The following CACNA1H variants were observed in gnomAD, a reference collection of about 807,000 sequenced individuals.
CACNA1H encodes voltage-dependent T-type calcium channel subunit alpha-1H.
In CACNA1H, 149 loss-of-function variants were observed where a neutral mutation model predicts 192.5. The ratio of observed to expected loss-of-function variants is 0.77; its 90% CI spans 0.68 to 0.89. The LOEUF (loss-of-function observed/expected upper bound fraction) is 0.89, where lower values mean the gene tolerates loss of function less well. Ranked by LOEUF, CACNA1H falls within the 40% of genes least tolerant of loss-of-function variation. The pLI, the probability that CACNA1H is intolerant of heterozygous loss-of-function variation, is 0.00. For missense variants in CACNA1H, 4,257 were observed against 3,423.5 expected, an observed-to-expected ratio of 1.24 and a Z score of -6.08; for synonymous variants, 2,202 against 1,475.2, an observed-to-expected ratio of 1.49 and a Z score of -11.29.
intron 2 of CACNA1H, among the ~76,000 whole-genome samples, chr16:1,178,229 C>T (rs1965107622): frequency 7.0e-6 from 1 of 143,376 alleles, no homozygotes; most frequent in Non-Finnish European, 1.5e-5. Flanking sequence ...CTGGGATCCC[C>T]CAACGGGCTC....
chr16:1,154,301 GCCCC>G (rs1961999659), intron 2 of CACNA1H, among the ~76,000 whole-genome samples: 2 of 152,128 alleles, frequency 1.3e-5, no homozygotes, highest in Non-Finnish European at 1.5e-5. Flanking sequence ...AAGCGGTGAG[GCCCC>G]CGCGGGCTTG....
At chr16:1,210,341 C>CCCCCCCGA in intron 18 of CACNA1H, 29 bp from the exon 19 acceptor site, 1 of 1,000,456 alleles carries the variant, frequency 1.0e-6, no homozygotes, top group Non-Finnish European at 1.5e-6. Flanking sequence ...CCGCCCCGCC[C>CCCCCCCGA]CACCTCTCAC....
chr16:1,216,764 G>T (rs1218286066), intron 30 of CACNA1H, among the ~76,000 whole-genome samples, 168 bp from the exon 31 acceptor site: 1 of 150,910 alleles, frequency 6.6e-6, no homozygotes, highest in African/African-American at 2.4e-5. Context: ...CTGAGGAACA[G>T]GGGTCCCCGC....
rs766263798 is a variant in CACNA1H at position 1,209,058 on chromosome 16, C to A, written c.3390C>A (p.Ala1130=). Residue 1130 remains alanine, a synonymous_variant, in exon 17 of 35, where the codon GCC becomes GCA. Transcript: ENST00000348261. The part of the protein sequence containing the change: ...PPASLRSSPC[A]PWGPSGAWSS... ...CCAGCCTCCGAAGTTCTCCCTGTGC[C>A]CCCTGGGGCCCCAGTGGCGCCTGGA... 9 of 1,533,244 alleles carry A rather than the reference C, an allele frequency of 5.9e-6. 1 individual carries two copies. The South Asian group carries it at 1.1e-4, about 19-fold the overall frequency. The allele number at this position is 1,533,244 out of a possible 1,614,324, so 95.0% of individuals were successfully genotyped here. A position where few individuals can be genotyped will look rare whatever the true frequency, so the allele number is the denominator to read the frequency against.
In CACNA1H at chr16:1,210,403, C is replaced by G. The variant is rs780830999; in HGVS notation, c.3879C>G (p.His1293Gln). The G allele has an allele frequency of 6.5e-7, 1 of 1,547,422 alleles. No homozygotes were observed. Among genetic ancestry groups the G allele is most frequent in the South Asian group, 1.1e-5 (1 of 89,206 alleles). ...TCTCCTGCCAGAAGGTCATCACACA[C>G]AAGATGTTTGATCACGTGGTCCTCG... ...FRVSCQKVIT[H>Q]KMFDHVVLVF... The change falls in exon 19 of 35, where the codon CAC (histidine) becomes CAG (glutamine). Residue 1293 changes from histidine to glutamine, a missense_variant. Transcript: ENST00000348261.
chr16:1,188,635 G>A (rs1472222668), intron 2 of CACNA1H, among the ~76,000 whole-genome samples: 2 of 152,222 alleles, frequency 1.3e-5, no homozygotes, highest in Non-Finnish European at 2.9e-5. Flanking sequence ...CAGGGGCCGG[G>A]AGAAAACGGC....
chr16:1,155,234 G>A (rs988857994), intron 2 of CACNA1H, among the ~76,000 whole-genome samples: 32 of 152,342 alleles, frequency 2.1e-4, no homozygotes, highest in Non-Finnish European at 1.2e-4. Context: ...GTGGTCCCGG[G>A]GGCAGCCGGC....
intron 2 of CACNA1H, among the ~76,000 whole-genome samples, chr16:1,188,142 C>T (rs980772556): frequency 5.9e-5 from 9 of 152,246 alleles, no homozygotes; most frequent in Admixed American, 5.2e-4. Flanking sequence ...TGCCCCATGG[C>T]CCTGGCCTGA....
intron 9 of CACNA1H, among the ~76,000 whole-genome samples, chr16:1,202,761 G>C (rs1027904650): frequency 1.3e-5 from 2 of 152,142 alleles, no homozygotes; most frequent in African/African-American, 4.8e-5. Context: ...CCCCTGCCTG[G>C]CCCCGAGAGG....
At position 1,204,302 on chromosome 16, in the gene CACNA1H, G is replaced by C. The variant is rs926942003; in HGVS notation, c.2295G>C (p.Gln765His). Residue 765 changes from glutamine (Q) to histidine (H), a missense_variant, in exon 10 of 35, where the codon CAG becomes CAC. Transcript: ENST00000348261. ...GCAGCCCCCAGCGGCGGGCACAGCA[G>C]AGGGCAGCCCCGGGCGAGCCAGGCT... ...GPGSPQRRAQ[Q>H]RAAPGEPGWM... 1 of 1,604,102 alleles carries C rather than the reference G, an allele frequency of 6.2e-7. No homozygotes were observed. The highest frequency in any genetic ancestry group is 1.7e-5 in the Admixed American group (1 of 59,262).
intron 2 of CACNA1H, among the ~76,000 whole-genome samples, chr16:1,173,412 C>T (rs1460943989): frequency 1.3e-5 from 2 of 152,240 alleles, no homozygotes; most frequent in East Asian, 1.9e-4. Context: ...GGCCCCTTCA[C>T]GCTGGTGCGG....
At chr16:1,215,427 T>G (rs565654022) in intron 29 of CACNA1H, 52 bp downstream of exon 29, 2 of 623,454 alleles carry the variant, frequency 3.2e-6, no homozygotes, top group South Asian at 2.9e-5. Context: ...GGGTGGGGGC[T>G]CAGCCATGGG....
intron 2 of CACNA1H, among the ~76,000 whole-genome samples, chr16:1,177,219 G>A (rs1421590253): frequency 6.6e-6 from 1 of 152,164 alleles, no homozygotes; most frequent in Non-Finnish European, 1.5e-5. Context: ...GATGGAGTTT[G>A]ACTCCACCAG....
chr16:1,192,317 G>A (rs926404553), intron 2 of CACNA1H, among the ~76,000 whole-genome samples: 1 of 152,210 alleles, frequency 6.6e-6, no homozygotes, highest in African/African-American at 2.4e-5. Context: ...TCTTTGAGGA[G>A]TTGCTAGGCA....
At chr16:1,195,897 G>T in intron 4 of CACNA1H, 29 bp from the exon 5 acceptor site, 1 of 1,558,002 alleles carries the variant, frequency 6.4e-7, no homozygotes, top group Non-Finnish European at 8.8e-7. Flanking sequence ...GCTCCTTGTT[G>T]AGCTGCTCCC....
chr16:1,191,059 G>T (rs1966569487), intron 2 of CACNA1H, among the ~76,000 whole-genome samples: 1 of 138,374 alleles, frequency 7.2e-6, no homozygotes, highest in African/African-American at 2.7e-5. Context: ...TGGCCTGGCT[G>T]TGTGGCCTCA....
At position 1,195,455 on chromosome 16, in the gene CACNA1H, C is replaced by G; in HGVS notation, c.435C>G (p.Ala145=). 2.6e-6 allele frequency: 4 copies of G among 1,563,030 alleles called. No homozygotes were observed. The highest frequency in any genetic ancestry group is 3.5e-6 in the Non-Finnish European group (4 of 1,153,336). ...AGGCCTTTGACGCCTTCATTTTCGC[C>G]TTTTTTGCGGTGGAGATGGTCATCA... ...ILEAFDAFIF[A]FFAVEMVIKM... Residue 145 remains alanine, a synonymous_variant, in exon 4 of 35, where the codon GCC becomes GCG. Transcript: ENST00000348261.
chr16:1,211,899 C>A, intron 24 of CACNA1H, 47 bp from the exon 25 acceptor site: 1 of 1,611,510 alleles, frequency 6.2e-7, no homozygotes, highest in Non-Finnish European at 8.5e-7. Flanking sequence ...CTGGGTAGGG[C>A]CCCTGGCGGG....
chr16:1,155,081 C>T (rs527700868), intron 2 of CACNA1H, among the ~76,000 whole-genome samples: 4 of 152,220 alleles, frequency 2.6e-5, no homozygotes, highest in East Asian at 1.9e-4. Context: ...ACTTCCCTAC[C>T]TTGTGTGTTT....
Sources: gnomAD v4.1 joint callset for allele counts (sites outside exome capture counted in the v4.1 genomes callset) on GRCh38, gnomAD v4.1.1 for gene constraint, MANE v1.5 for transcripts, NCBI Gene and HGNC (gene_info 2026-07-23, HGNC 2026-07-21) for gene names.